Variants in PCDHA3 observed in about 807,000 individuals in gnomAD.
The protein encoded by PCDHA3 is protocadherin alpha 3.
Under a neutral mutation model 62.2 loss-of-function variants are expected in PCDHA3, and 41 were observed. That is an observed-to-expected ratio of 0.66 (90% CI 0.51 to 0.86). PCDHA3 has a LOEUF of 0.86. Ranked by LOEUF, PCDHA3 falls within the 40% of genes least tolerant of loss-of-function variation. The probability of loss-of-function intolerance (pLI) is 0.00; values close to 1 mark genes in which losing one functional copy is unlikely to be tolerated. For missense variants in PCDHA3, 1,304 were observed against 1,241.2 expected (o/e 1.05, Z -0.76); for synonymous variants, 640 against 555.4 (o/e 1.15, Z -2.14).
At chr5:140,815,167 A>T (rs1407825573) in intron 1 of PCDHA3, 1 of 151,854 alleles carries the variant, frequency 6.6e-6, no homozygotes, top group Non-Finnish European at 1.5e-5. Context: ...TGATTGGGGG[A>T]GTTTATCCCA....
intron 1 of PCDHA3, chr5:140,876,833 C>T: frequency 3.1e-6 from 5 of 1,614,176 alleles, no homozygotes; most frequent in Non-Finnish European, 4.2e-6. Context: ...AATGCGCCTG[C>T]GTTCGCGCAG....
At chr5:140,843,773 T>A in intron 1 of PCDHA3, 1 of 1,456,190 alleles carries the variant, frequency 6.9e-7, no homozygotes. Context: ...GTAGTTACTT[T>A]AAAAGTGTTT....
intron 1 of PCDHA3, among the ~76,000 whole-genome samples, chr5:140,847,167 A>T (rs1354541358): frequency 6.7e-6 from 1 of 149,596 alleles, no homozygotes; most frequent in Non-Finnish European, 1.5e-5. Flanking sequence ...TGAGTAATAA[A>T]CTAAAGGGCC....
At chr5:140,986,618 C>T (rs782259734) in intron 3 of PCDHA3, among the ~76,000 whole-genome samples, 2 of 152,134 alleles carry the variant, frequency 1.3e-5, no homozygotes, top group African/African-American at 2.4e-5. Flanking sequence ...TCAGGCCTTA[C>T]CTAAGGCAAC....
chr5:140,870,654 C>T lies in PCDHA3; in HGVS notation c.2394+67063C>T, dbSNP rs781878209. 10 of 1,612,444 alleles carry T rather than the reference C, an allele frequency of 6.2e-6. No homozygotes were observed. The African/African-American group carries it at 8.0e-5, about 13-fold the overall frequency. ...TGCACGCGGAGAGCGGCAAGGTGTACGCGCTGCAGCCGTTGGACCACGAGG... is the reference window on the plus strand; with the variant it reads ...TGCACGCGGAGAGCGGCAAGGTGTATGCGCTGCAGCCGTTGGACCACGAGG... On this transcript the variant is annotated intron_variant, in intron 1 of 3. Transcript: ENST00000522353.
chr5:140,971,203 T>A (rs1586466173), intron 1 of PCDHA3, among the ~76,000 whole-genome samples: 2 of 152,308 alleles, frequency 1.3e-5, no homozygotes, highest in Middle Eastern at 6.8e-3. Context: ...GGAAAGACAC[T>A]GTTACCCTCC....
At chr5:140,856,118 G>T in intron 1 of PCDHA3, 2 of 1,598,234 alleles carry the variant, frequency 1.3e-6, no homozygotes, top group Non-Finnish European at 1.7e-6. Flanking sequence ...CGCAGCCTGG[G>T]AGGTGGGGAG....
In PCDHA3 at chr5:140,848,617, A is replaced by G; in HGVS notation, c.2394+45026A>G. The G allele has an allele frequency of 4.4e-6, 7 of 1,593,554 alleles. 2 individuals carry two copies. Among genetic ancestry groups the G allele is most frequent in the Non-Finnish European group, 6.0e-6 (7 of 1,163,964 alleles). On this transcript the variant is annotated intron_variant, in intron 1 of 3. Coordinates refer to ENST00000522353, the MANE Select transcript of PCDHA3 (RefSeq NM_018906.3). Reference sequence around the variant, plus strand: ...TACTCCGTCCCGGAGGAAGCCGAACACGGCACCTTCGTGGGCCGCATCGCG... The same window carrying G: ...TACTCCGTCCCGGAGGAAGCCGAACGCGGCACCTTCGTGGGCCGCATCGCG...
In PCDHA3 at chr5:140,801,617, G is replaced by GT; in HGVS notation, c.423dup (p.Ile142TyrfsTer32). On this transcript the variant is annotated frameshift_variant, in exon 1 of 4. Coordinates refer to ENST00000522353, the MANE Select transcript of PCDHA3 (RefSeq NM_018906.3). LOFTEE classifies it high-confidence loss of function. Reference sequence around the variant, plus strand: ...TTTTTCCAATGGCTGTAAAGAATCTGTTTATTTCCGAATCCCGACAGCCTG... The same window carrying GT: ...TTTTTCCAATGGCTGTAAAGAATCTGTTTTATTTCCGAATCCCGACAGCCTG... 1 of 1,614,148 alleles carries GT rather than the reference G, an allele frequency of 6.2e-7. No individual in the cohort carries two copies.
At chr5:140,985,582 C>T (rs2097158950) in intron 3 of PCDHA3, among the ~76,000 whole-genome samples, 1 of 152,116 alleles carries the variant, frequency 6.6e-6, no homozygotes, top group Admixed American at 6.5e-5. Context: ...CCTAAGCCTC[C>T]TTATACTTGC....
At chr5:140,808,987 C>T (rs1554124939) in intron 1 of PCDHA3, 1 of 1,613,708 alleles carries the variant, frequency 6.2e-7, no homozygotes, top group South Asian at 1.1e-5. Context: ...TGGATGCTGA[C>T]TCGGGCTACA....
intron 1 of PCDHA3, among the ~76,000 whole-genome samples, chr5:140,907,507 T>C (rs1358466312): frequency 2.0e-5 from 3 of 152,230 alleles, no homozygotes; most frequent in Admixed American, 6.5e-5. Context: ...TAAGTGTCTA[T>C]TCCAGTGAGG....
Position 140,843,020 on chromosome 5 carries a change from G to A in PCDHA3, c.2394+39429G>A, listed in dbSNP as rs142550829. ...GAATGACAACGCGCCGGCACTGCTG[G>A]AGCCTCGGGTGGGTGGCACTGGTGG... On this transcript the variant is annotated intron_variant, in intron 1 of 3. Transcript: ENST00000522353. 14 of 1,595,174 alleles carry A rather than the reference G, an allele frequency of 8.8e-6. 2 individuals carry two copies. In the African/African-American group the frequency reaches 1.7e-4, roughly 20 times the overall value.
At position 141,009,660 on chromosome 5, in the gene PCDHA3, G is replaced by C; in HGVS notation, c.2576G>C (p.Gly859Ala). 7 of 1,614,084 alleles carry C rather than the reference G, an allele frequency of 4.3e-6. No homozygotes were observed. Among genetic ancestry groups the C allele is most frequent in the Non-Finnish European group, 5.9e-6 (7 of 1,180,030 alleles). Residue 859 changes from glycine (G) to alanine (A), a missense_variant, in exon 4 of 4, where the codon GGT becomes GCT. Physicochemically the swap from Gly to Ala is moderately conservative, Grantham distance 60 (BLOSUM62 0). Coordinates refer to ENST00000522353, the MANE Select transcript of PCDHA3 (RefSeq NM_018906.3). ...PEAGEVSPPV[G>A]AGVNSNSWTF... ...GCAGGAGAAGTGTCCCCTCCAGTCGGTGCGGGTGTCAACAGCAACAGCTGG... is the reference window on the plus strand; with the variant it reads ...GCAGGAGAAGTGTCCCCTCCAGTCGCTGCGGGTGTCAACAGCAACAGCTGG...
chr5:140,927,733 C>T (rs782446148), intron 1 of PCDHA3: 7 of 1,614,198 alleles, frequency 4.3e-6, no homozygotes, highest in South Asian at 2.2e-5. Context: ...AGCAGAGCTG[C>T]GACACCGCTT....
intron 1 of PCDHA3, among the ~76,000 whole-genome samples, chr5:140,901,940 T>A (rs1444811552): frequency 6.6e-6 from 1 of 152,172 alleles, no homozygotes; most frequent in Non-Finnish European, 1.5e-5. Context: ...CCTAGGTATA[T>A]TTAGTTTTAT....
chr5:140,823,937 G>C lies in PCDHA3; in HGVS notation c.2394+20346G>C, dbSNP rs2150130560. On this transcript the variant is annotated intron_variant, in intron 1 of 3. Transcript: ENST00000522353. ...ACGCTGCTGCTGTACACCGCGCTGC[G>C]GTGCTCGGCGCAGCCCACCGAGGCC... 10 of 1,613,906 alleles carry C rather than the reference G, an allele frequency of 6.2e-6. No individual in the cohort carries two copies. In the East Asian group the frequency reaches 2.2e-4, roughly 36 times the overall value.
At chr5:140,944,383 C>T (rs1344204416) in intron 1 of PCDHA3, among the ~76,000 whole-genome samples, 1 of 152,084 alleles carries the variant, frequency 6.6e-6, no homozygotes, top group African/African-American at 2.4e-5. Context: ...GATGGAGTCT[C>T]ACTGTGTTAT....
At position 140,883,742 on chromosome 5, in the gene PCDHA3, T is replaced by C. The variant is rs782074620; in HGVS notation, c.2394+80151T>C. 8 of 1,613,220 alleles carry C rather than the reference T, an allele frequency of 5.0e-6. No homozygotes were observed. In the African/African-American group the frequency reaches 8.0e-5, roughly 16 times the overall value. ...CGCACAGGAGAACGCGCTGGTCTCC[T>C]ACTCGCTGGTGGAGCGGCGGGTGGG... On this transcript the variant is annotated intron_variant, in intron 1 of 3. Transcript: ENST00000522353.
Sources: allele counts gnomAD v4.1 joint callset (sites outside exome capture counted in the v4.1 genomes callset), GRCh38; gene constraint gnomAD v4.1.1; transcripts MANE v1.5; gene names NCBI Gene and HGNC (gene_info 2026-07-23, HGNC 2026-07-21).